CACHD1: variants seen among roughly 807,000 people sequenced by gnomAD.
CACHD1 encodes the protein cache domain containing 1, also known as VWFA and cache domain-containing protein 1.
Under a neutral mutation model 138.7 loss-of-function variants are expected in CACHD1, and 71 were observed. That is an observed-to-expected ratio of 0.51 (90% CI 0.42 to 0.62). The LOEUF (loss-of-function observed/expected upper bound fraction) is 0.62. CACHD1 is among the 20% of genes least tolerant of loss of function. The pLI is 0.00. For missense variants in CACHD1, 1,389 were observed against 1,625.3 expected, an observed-to-expected ratio of 0.85 and a Z score of 2.50; for synonymous variants, 578 against 591.5, an observed-to-expected ratio of 0.98 and a Z score of 0.33.
chr1:64,689,256 AC>A (rs1252279111), intron 26 of CACHD1, among the ~76,000 whole-genome samples: 1 of 152,250 alleles, frequency 6.6e-6, no homozygotes, highest in Non-Finnish European at 1.5e-5. Flanking sequence ...TATGTGACCA[AC>A]AGAGTCTCAA....
chr1:64,578,532 T>G (rs1357195101), intron 2 of CACHD1, among the ~76,000 whole-genome samples: 1 of 152,226 alleles, frequency 6.6e-6, no homozygotes, highest in Non-Finnish European at 1.5e-5. Flanking sequence ...TAAACAAACA[T>G]GCTTACAAAT....
At chr1:64,680,299 G>A (rs979810404) in intron 24 of CACHD1, among the ~76,000 whole-genome samples, 11 of 152,036 alleles carry the variant, frequency 7.2e-5, no homozygotes, top group Admixed American at 2.0e-4. Context: ...GACCAGCCTG[G>A]CCAACATGGT....
intron 1 of CACHD1, among the ~76,000 whole-genome samples, chr1:64,507,257 T>C (rs12061668): frequency 0.073 from 11,095 of 152,264 alleles, 892 homozygotes; most frequent in African/African-American, 0.2. Context: ...TTCGTGCCTC[T>C]GTTGTACTCC....
chr1:64,508,472 G>A (rs1050260110), intron 1 of CACHD1, among the ~76,000 whole-genome samples: 10 of 152,182 alleles, frequency 6.6e-5, no homozygotes, highest in East Asian at 1.9e-4. Context: ...TTTTTTGTGT[G>A]TGTGACCTTG....
Position 64,647,767 on chromosome 1 carries a change from C to G in CACHD1, c.1157-34C>G. ...GGTTGAATGGATATAAACCATTTTG[C>G]TTTCCGTGGTCTTCTCTCGGCTTTC... On this transcript the variant is annotated intron_variant, in intron 8 of 26. Transcript: ENST00000651257. 3.1e-6 allele frequency: 5 copies of G among 1,592,226 alleles called. No homozygotes were observed. In the East Asian group the frequency reaches 1.1e-4, roughly 36 times the overall value.
chr1:64,550,731 C>T, intron 2 of CACHD1, 75 bp downstream of exon 2: 1 of 962,882 alleles, frequency 1.0e-6, no homozygotes, highest in Non-Finnish European at 1.7e-6. Context: ...TCTTTCCAAG[C>T]AATCTCCACT....
chr1:64,476,906 C>G (rs998148970), intron 1 of CACHD1, among the ~76,000 whole-genome samples: 4 of 152,084 alleles, frequency 2.6e-5, no homozygotes, highest in South Asian at 2.1e-4. Context: ...CAGGCAGGAA[C>G]CTTGCAGAAC....
chr1:64,648,303 T>C (rs1318868144), intron 9 of CACHD1, among the ~76,000 whole-genome samples: 2 of 152,192 alleles, frequency 1.3e-5, no homozygotes, highest in African/African-American at 4.8e-5. Context: ...CTTTGTATCA[T>C]GGCACATGGG....
At chr1:64,598,277 G>A (rs976317764) in intron 3 of CACHD1, among the ~76,000 whole-genome samples, 2 of 152,160 alleles carry the variant, frequency 1.3e-5, no homozygotes, top group Non-Finnish European at 2.9e-5. Flanking sequence ...GCACATCAGT[G>A]GTAGTGAGAA....
intron 2 of CACHD1, among the ~76,000 whole-genome samples, chr1:64,573,862 C>T (rs879721238): frequency 1.3e-5 from 2 of 152,172 alleles, no homozygotes; most frequent in Non-Finnish European, 2.9e-5. Flanking sequence ...TAAAAGGCAT[C>T]AGGTAAAGTC....
intron 8 of CACHD1, 29 bp downstream of exon 8, chr1:64,641,998 A>G: frequency 6.6e-7 from 1 of 1,514,602 alleles, no homozygotes; most frequent in Non-Finnish European, 8.8e-7. Context: ...TATTCCTTTC[A>G]GATCAAAGAT....
chr1:64,492,553 T>C (rs1032002486), intron 1 of CACHD1, among the ~76,000 whole-genome samples: 1 of 151,366 alleles, frequency 6.6e-6, no homozygotes. Context: ...ACATTCCTTC[T>C]TGGAGATATA....
chr1:64,638,750 G>A (rs974668309), intron 7 of CACHD1, among the ~76,000 whole-genome samples: 2 of 152,080 alleles, frequency 1.3e-5, no homozygotes, highest in African/African-American at 4.8e-5. Context: ...GTTACATGCT[G>A]CATCTCTGCT....
Position 64,675,864 on chromosome 1 carries a change from C to CT in CACHD1, c.2889-31dup, listed in dbSNP as rs1467053740. 8 of 1,381,232 alleles carry CT rather than the reference C, an allele frequency of 5.8e-6. No individual in the cohort carries two copies. In the East Asian group the frequency reaches 1.2e-4, roughly 20 times the overall value. The allele number at this position is 1,381,232 out of a possible 1,614,324, so 85.6% of individuals were successfully genotyped here. A position where few individuals can be genotyped will look rare whatever the true frequency, so the allele number is the denominator to read the frequency against. On this transcript the variant is annotated intron_variant, in intron 20 of 26. Transcript: ENST00000651257. ...GTACAACTTACAGTTTGCCATTGAC[C>CT]TTCTGCATAGTAACTTTCTTTTTGC... is the stretch of plus-strand genomic sequence containing the variant.
chr1:64,501,386 G>A (rs1225782476), intron 1 of CACHD1, among the ~76,000 whole-genome samples: 1 of 152,022 alleles, frequency 6.6e-6, no homozygotes, highest in Non-Finnish European at 1.5e-5. Flanking sequence ...CATTTCTCTC[G>A]GGATAAAACC....
intron 4 of CACHD1, among the ~76,000 whole-genome samples, chr1:64,604,971 G>GT (rs528557112): frequency 0.055 from 6,792 of 122,822 alleles, 548 homozygotes; most frequent in African/African-American, 0.18. Flanking sequence ...TTTTTTCTTT[G>GT]TTTTTTTTTT....
At chr1:64,562,366 T>C (rs890679319) in intron 2 of CACHD1, among the ~76,000 whole-genome samples, 49 of 151,834 alleles carry the variant, frequency 3.2e-4, no homozygotes, top group African/African-American at 1.1e-3. Context: ...TTTTTTCTCT[T>C]GGATAAAGAT....
In CACHD1 at chr1:64,632,712, T is replaced by C. The variant is rs1648355429; in HGVS notation, c.758T>C (p.Val253Ala). 6.2e-7 allele frequency: 1 copy of C among 1,614,050 alleles called. No individual in the cohort carries two copies. Among genetic ancestry groups the C allele is most frequent in the African/African-American group, 1.3e-5 (1 of 74,936 alleles). Residue 253 changes from valine (V) to alanine (A), a missense_variant, in exon 6 of 27, where the codon GTC becomes GCC. Physicochemically the swap from Val to Ala is moderately conservative, Grantham distance 64 (BLOSUM62 0). Around this residue, in one of 5 missense-constraint regions of CACHD1, gnomAD observed 1,000 missense variants for 1,114.7 expected, o/e 0.90. Coordinates refer to ENST00000651257, the MANE Select transcript of CACHD1 (RefSeq NM_020925.4). The part of the protein sequence containing the change: ...QLQIAKDAAQ[V>A]ILSAIDEHDK... Reference sequence around the variant, plus strand: ...CAGATTGCCAAGGACGCTGCTCAGGTCATCCTCAGCGCCATCGATGAACAT... The same window carrying C: ...CAGATTGCCAAGGACGCTGCTCAGGCCATCCTCAGCGCCATCGATGAACAT...
rs1646882914 is a variant in CACHD1 at position 64,566,488 on chromosome 1, C to CG, written c.262-15668_262-15667insG. 1.4e-5 allele frequency among the ~76,000 whole-genome samples: 2 copies of CG among 144,580 alleles called. 1 individual carries two copies. The highest frequency in any genetic ancestry group is 4.9e-5 in the African/African-American group (2 of 40,946). The allele number at this position is 144,580 out of a possible 152,430, so 94.9% of individuals were successfully genotyped here. On this transcript the variant is annotated intron_variant, in intron 2 of 26. Transcript: ENST00000651257. ...ACTGTATGTTTTCAATTCCCCCCCCCCCACAAGGTATGGGGGAAGTACTGC... is the reference window on the plus strand; with the variant it reads ...ACTGTATGTTTTCAATTCCCCCCCCCGCCACAAGGTATGGGGGAAGTACTGC...
Sources: gnomAD v4.1 joint callset for allele counts (sites outside exome capture counted in the v4.1 genomes callset) on GRCh38, gnomAD v4.1.1 for gene constraint, gnomAD v4.1.1 regional missense constraint, MANE v1.5 for transcripts, NCBI Gene and HGNC (gene_info 2026-07-23, HGNC 2026-07-21) for gene names.